Variants in TTLL5 observed in about 807,000 individuals in gnomAD.
The protein encoded by TTLL5 is tubulin polyglutamylase TTLL5.
In TTLL5, 132 loss-of-function variants were observed where a neutral mutation model predicts 168.4. The ratio of observed to expected loss-of-function variants is 0.78; its 90% confidence interval spans 0.68 to 0.91. The LOEUF (loss-of-function observed/expected upper bound fraction) is 0.91, where lower values mean the gene tolerates loss of function less well. Among genes scored for constraint, TTLL5 ranks in the 40% least tolerant of loss-of-function variants. The probability of loss-of-function intolerance (pLI) is 0.00; values close to 1 mark genes in which losing one functional copy is unlikely to be tolerated. For missense variants in TTLL5, 1,545 were observed against 1,581.5 expected, an observed-to-expected ratio of 0.98 and a Z score of 0.39; for synonymous variants, 546 against 558.6, an observed-to-expected ratio of 0.98 and a Z score of 0.32.
intron 10 of TTLL5, 110 bp downstream of exon 10, chr14:75,718,072 A>G: frequency 1.2e-6 from 1 of 868,812 alleles, no homozygotes; most frequent in Non-Finnish European, 1.8e-6. Flanking sequence ...ATTAATGTCC[A>G]TGTACCATTT....
chr14:75,691,529 G>A (rs1195774677), intron 6 of TTLL5, among the ~76,000 whole-genome samples: 1 of 152,222 alleles, frequency 6.6e-6, no homozygotes, highest in African/African-American at 2.4e-5. Context: ...GAGTTATGCA[G>A]CTTGCAAATG....
At chr14:75,950,246 C>T (rs1427211920) in intron 31 of TTLL5, among the ~76,000 whole-genome samples, 2 of 152,112 alleles carry the variant, frequency 1.3e-5, no homozygotes, top group African/African-American at 2.4e-5. Flanking sequence ...ATCTGTGCTT[C>T]GAACTGTACA....
intron 29 of TTLL5, among the ~76,000 whole-genome samples, chr14:75,873,123 G>A (rs954419223): frequency 2.0e-5 from 3 of 148,644 alleles, no homozygotes; most frequent in Non-Finnish European, 4.4e-5. Context: ...CCCCAGGCTG[G>A]AGTGCAGTGG....
chr14:75,834,730 C>T (rs1407434303), intron 28 of TTLL5, among the ~76,000 whole-genome samples: 1 of 152,102 alleles, frequency 6.6e-6, no homozygotes, highest in Non-Finnish European at 1.5e-5. Context: ...GGACTTTTTC[C>T]TTTAACAAGA....
At chr14:75,839,752 A>T (rs1896116666) in intron 28 of TTLL5, among the ~76,000 whole-genome samples, 2 of 152,178 alleles carry the variant, frequency 1.3e-5, no homozygotes, top group Non-Finnish European at 2.9e-5. Context: ...GCACAACCAA[A>T]TCATATCACC....
chr14:75,919,094 G>A (rs939157355), intron 31 of TTLL5, among the ~76,000 whole-genome samples: 1 of 149,174 alleles, frequency 6.7e-6, no homozygotes, highest in Non-Finnish European at 1.5e-5. Context: ...CCAGCTACTC[G>A]GGAGGCTGAG....
chr14:75,889,358 C>T (rs1382259244), intron 30 of TTLL5, among the ~76,000 whole-genome samples: 1 of 152,012 alleles, frequency 6.6e-6, no homozygotes, highest in East Asian at 1.9e-4. Flanking sequence ...AAAAAAGACC[C>T]AAGATAAGGA....
chr14:75,682,509 G>A (rs1168413734), intron 4 of TTLL5, among the ~76,000 whole-genome samples: 1 of 152,144 alleles, frequency 6.6e-6, no homozygotes, highest in African/African-American at 2.4e-5. Flanking sequence ...TCACATTCTG[G>A]AGATAGAATG....
At chr14:75,663,287 T>TA in intron 2 of TTLL5, 64 bp downstream of exon 2, 1 of 1,418,866 alleles carries the variant, frequency 7.0e-7, no homozygotes, top group Non-Finnish European at 9.7e-7. Flanking sequence ...TACTCTTATA[T>TA]ACTGTTTTAC....
At chr14:75,729,813 T>C (rs2140227770) in intron 12 of TTLL5, among the ~76,000 whole-genome samples, 1 of 152,348 alleles carries the variant, frequency 6.6e-6, no homozygotes, top group Non-Finnish European at 1.5e-5. Flanking sequence ...TTGTGAAGGA[T>C]GTTTTCTCTC....
intron 1 of TTLL5, 119 bp from the exon 2 acceptor site, chr14:75,662,936 G>T: frequency 1.5e-6 from 1 of 650,598 alleles, no homozygotes; most frequent in African/African-American, 1.8e-5. Flanking sequence ...ACTTCTAGAG[G>T]TTGAGCACTG....
intron 31 of TTLL5, among the ~76,000 whole-genome samples, chr14:75,947,845 G>GC (rs1444735431): frequency 1.3e-5 from 2 of 151,548 alleles, no homozygotes; most frequent in African/African-American, 4.9e-5. Flanking sequence ...GGAGGCTGGC[G>GC]CATCCCCATG....
At chr14:75,893,897 A>G (rs1478207062) in intron 30 of TTLL5, among the ~76,000 whole-genome samples, 1 of 152,106 alleles carries the variant, frequency 6.6e-6, no homozygotes, top group Non-Finnish European at 1.5e-5. Context: ...CTGAAATTCA[A>G]ACTAGGAAAT....
intron 29 of TTLL5, among the ~76,000 whole-genome samples, chr14:75,874,657 G>A (rs915365592): frequency 1.3e-5 from 2 of 152,124 alleles, no homozygotes; most frequent in African/African-American, 4.8e-5. Context: ...TTTTGAAGCA[G>A]AAGAATAAAG....
chr14:75,890,188 T>A (rs1365880565), intron 30 of TTLL5, among the ~76,000 whole-genome samples: 2 of 152,162 alleles, frequency 1.3e-5, no homozygotes, highest in African/African-American at 4.8e-5. Flanking sequence ...GGGAAGATGC[T>A]GAGAGTCGTG....
rs79997079 is a variant in TTLL5, at chr14:75,696,784, A to G, written c.503-2404A>G. Among the ~76,000 whole-genome samples the G allele has an allele frequency of 8.4e-3, 1,280 of 152,306 alleles. 20 individuals are homozygous for G. The highest frequency in any genetic ancestry group is 0.029 in the African/African-American group (1,196 of 41,560). ...CCCTCTAGAGATATTCTTTGCATTT[A>G]CTAGCAAATAACGTGTGTATATGAA... On this transcript the variant is annotated intron_variant, in intron 6 of 31. Coordinates refer to ENST00000298832, the MANE Select transcript of TTLL5 (RefSeq NM_015072.5).
chr14:75,886,052 C>T (rs2032102191), intron 30 of TTLL5, among the ~76,000 whole-genome samples: 1 of 152,196 alleles, frequency 6.6e-6, no homozygotes, highest in African/African-American at 2.4e-5. Context: ...TACTGAGTCA[C>T]ACTCAGGAAT....
intron 27 of TTLL5, chr14:75,814,415 G>T (rs1360801481): frequency 1.3e-5 from 2 of 152,218 alleles, no homozygotes; most frequent in African/African-American, 4.8e-5. Flanking sequence ...AATGTAGATG[G>T]ATAGAGAAGT....
intron 2 of TTLL5, among the ~76,000 whole-genome samples, chr14:75,668,782 G>C (rs1883491293): frequency 1.3e-5 from 2 of 152,188 alleles, no homozygotes; most frequent in Non-Finnish European, 2.9e-5. Context: ...CGTGTAAAAG[G>C]AGTATGTAAA....
Sources: gnomAD v4.1 joint callset for allele counts (sites outside exome capture counted in the v4.1 genomes callset) on GRCh38, gnomAD v4.1.1 for gene constraint, MANE v1.5 for transcripts, NCBI Gene and HGNC (gene_info 2026-07-23, HGNC 2026-07-21) for gene names.